Variants in AHCTF1 observed in about 807,000 individuals in gnomAD.
AHCTF1 encodes protein ELYS.
A neutral mutation model predicts 248.4 loss-of-function variants in AHCTF1; 24 were observed. The ratio of observed to expected loss-of-function variants is 0.10; its 90% CI spans 0.07 to 0.14. The LOEUF is 0.14. AHCTF1 is among the 10% of genes least tolerant of loss of function. The pLI, the probability that AHCTF1 is intolerant of heterozygous loss-of-function variation, is 1.00. For missense variants in AHCTF1, 2,206 were observed against 2,636.2 expected (o/e 0.84, Z 3.57); for synonymous variants, 786 against 929.8 (o/e 0.85, Z 2.81).
chr1:246,903,660 C>A (rs374608822), intron 7 of AHCTF1, among the ~76,000 whole-genome samples: 30 of 117,202 alleles, frequency 2.6e-4, no homozygotes, highest in African/African-American at 4.1e-4. Context: ...AGACCCCCCC[C>A]CCTCCGTCTC....
chr1:246,887,820 A>G (rs114799044), intron 19 of AHCTF1, among the ~76,000 whole-genome samples: 3,741 of 152,304 alleles, frequency 0.025, 174 homozygotes, highest in African/African-American at 0.085. Context: ...GTATCACGCT[A>G]ACTTATAATG....
intron 14 of AHCTF1, among the ~76,000 whole-genome samples, chr1:246,893,565 C>T (rs2103146929): frequency 6.6e-6 from 1 of 152,264 alleles, no homozygotes; most frequent in African/African-American, 2.4e-5. Context: ...TTTTAATATT[C>T]ATGACATACC....
At chr1:246,874,296 T>C (rs1221017432) in intron 24 of AHCTF1, among the ~76,000 whole-genome samples, 1 of 152,086 alleles carries the variant, frequency 6.6e-6, no homozygotes, top group Admixed American at 6.5e-5. Flanking sequence ...CCAAATAACA[T>C]TAACTATTAA....
chr1:246,887,997 A>G (rs1663947314), intron 19 of AHCTF1, among the ~76,000 whole-genome samples, 180 bp downstream of exon 19: 1 of 152,222 alleles, frequency 6.6e-6, no homozygotes, highest in African/African-American at 2.4e-5. Flanking sequence ...AATTTTTCAT[A>G]TAGTTTTAGG....
intron 31 of AHCTF1, among the ~76,000 whole-genome samples, chr1:246,854,991 T>C (rs1661010191): frequency 6.6e-6 from 1 of 152,272 alleles, no homozygotes. Context: ...CTCTCTGGAT[T>C]ACTCCATAAT....
chr1:246,855,113 G>A (rs1279769011), intron 31 of AHCTF1, among the ~76,000 whole-genome samples: 2 of 152,204 alleles, frequency 1.3e-5, no homozygotes, highest in South Asian at 2.1e-4. Context: ...GGGCTCTAGA[G>A]TCAGATAACA....
At chr1:246,901,625 AC>A (rs1665005939) in intron 8 of AHCTF1, among the ~76,000 whole-genome samples, 1 of 151,692 alleles carries the variant, frequency 6.6e-6, no homozygotes, top group African/African-American at 2.4e-5. Context: ...AAAAAACAAA[AC>A]AAAAAAAAAC....
intron 33 of AHCTF1, among the ~76,000 whole-genome samples, chr1:246,845,462 G>A (rs1660189666): frequency 6.6e-6 from 1 of 152,170 alleles, no homozygotes; most frequent in African/African-American, 2.4e-5. Context: ...TAGGTCTACT[G>A]GTGGTCTCTC....
intron 1 of AHCTF1, among the ~76,000 whole-genome samples, chr1:246,919,583 C>T (rs1666378215): frequency 6.6e-6 from 1 of 151,728 alleles, no homozygotes. Flanking sequence ...CATGGTGGCA[C>T]ACACCTGTAG....
At chr1:246,885,429 C>G in intron 21 of AHCTF1, 64 bp downstream of exon 21, 1 of 1,375,982 alleles carries the variant, frequency 7.3e-7, no homozygotes, top group South Asian at 1.5e-5. Context: ...CACTGTCTAT[C>G]TCATCAATTC....
At chr1:246,841,998 C>T (rs1659902569) in intron 35 of AHCTF1, among the ~76,000 whole-genome samples, 1 of 143,468 alleles carries the variant, frequency 7.0e-6, no homozygotes, top group Admixed American at 7.1e-5. Flanking sequence ...GTTTCACCAT[C>T]TTGGCCAGGC....
At chr1:246,888,594 AAAGT>A in intron 17 of AHCTF1, 77 bp from the exon 18 acceptor site, 2 of 1,506,268 alleles carry the variant, frequency 1.3e-6, no homozygotes, top group Non-Finnish European at 1.8e-6. Context: ...CAAAATATTA[AAAGT>A]AATAATCCCA....
chr1:246,890,115 A>C, intron 16 of AHCTF1, 56 bp from the exon 17 acceptor site: 1 of 1,190,628 alleles, frequency 8.4e-7, no homozygotes, highest in Non-Finnish European at 1.2e-6. Flanking sequence ...TATCTCAACA[A>C]TACATATTAA....
intron 24 of AHCTF1, among the ~76,000 whole-genome samples, chr1:246,869,761 T>C (rs1006810379): frequency 1.3e-5 from 2 of 152,104 alleles, no homozygotes; most frequent in Non-Finnish European, 1.5e-5. Context: ...ATAATGCCCC[T>C]GGTCACCCAG....
intron 24 of AHCTF1, among the ~76,000 whole-genome samples, chr1:246,869,200 T>C (rs1662360726): frequency 6.6e-6 from 1 of 152,134 alleles, no homozygotes; most frequent in Non-Finnish European, 1.5e-5. Context: ...GTCCAGCAAG[T>C]CTACTGGCAC....
chr1:246,846,036 A>G (rs1416574281), intron 33 of AHCTF1, among the ~76,000 whole-genome samples: 1 of 150,694 alleles, frequency 6.6e-6, no homozygotes. Flanking sequence ...GGACAGAAGG[A>G]AGTAAAAGTA....
At chr1:246,912,439 C>T (rs12033144) in intron 4 of AHCTF1, among the ~76,000 whole-genome samples, 32,690 of 151,074 alleles carry the variant, frequency 0.22, 3,670 homozygotes, top group East Asian at 0.31. Context: ...GCAGGGATTA[C>T]GCCACTGCAC....
intron 21 of AHCTF1, 21 bp downstream of exon 21, chr1:246,885,472 A>G: frequency 1.3e-6 from 2 of 1,556,660 alleles, no homozygotes; most frequent in Non-Finnish European, 1.8e-6. Context: ...AAGACTTTAT[A>G]GTTTCAAAAG....
intron 1 of AHCTF1, among the ~76,000 whole-genome samples, chr1:246,921,915 T>C (rs1666573651): frequency 1.3e-5 from 2 of 152,216 alleles, no homozygotes; most frequent in Non-Finnish European, 2.9e-5. Context: ...GTCAAAGTAC[T>C]GGTATATACA....
Sources: allele counts gnomAD v4.1 joint callset (sites outside exome capture counted in the v4.1 genomes callset), GRCh38; gene constraint gnomAD v4.1.1; transcripts MANE v1.5; gene names NCBI Gene and HGNC (gene_info 2026-07-23, HGNC 2026-07-21).